The following NEK1 variants were observed in gnomAD, a reference collection of about 807,000 sequenced individuals.
NEK1 encodes the protein serine/threonine-protein kinase Nek1.
In NEK1, 137 loss-of-function variants were observed where a neutral mutation model predicts 182.1. The ratio of observed to expected loss-of-function variants is 0.75; its 90% CI spans 0.65 to 0.87. The LOEUF (loss-of-function observed/expected upper bound fraction) is 0.87. Ranked by LOEUF, NEK1 falls within the 40% of genes least tolerant of loss-of-function variation. NEK1 has a pLI of 0.00. For missense variants in NEK1, 1,391 were observed against 1,494.4 expected (o/e 0.93, Z 1.14); for synonymous variants, 513 against 492.2 (o/e 1.04, Z -0.56).
intron 18 of NEK1, among the ~76,000 whole-genome samples, chr4:169,542,367 G>A (rs1759595628): frequency 1.3e-5 from 2 of 152,178 alleles, no homozygotes; most frequent in South Asian, 4.1e-4. Context: ...ATTCCATGGT[G>A]TATATGTGCC....
intron 18 of NEK1, among the ~76,000 whole-genome samples, chr4:169,548,346 C>T (rs937145838): frequency 3.9e-5 from 6 of 152,186 alleles, no homozygotes; most frequent in Admixed American, 2.0e-4. Flanking sequence ...AAGCTTCGTC[C>T]CAAAGGGGCA....
chr4:169,580,237 C>T (rs1766387951), intron 11 of NEK1, among the ~76,000 whole-genome samples: 1 of 152,108 alleles, frequency 6.6e-6, no homozygotes, highest in Non-Finnish European at 1.5e-5. Context: ...TGGCTCACGC[C>T]TGTAATCTCA....
chr4:169,521,495 C>A (rs371309614), intron 19 of NEK1, among the ~76,000 whole-genome samples: 12 of 152,128 alleles, frequency 7.9e-5, no homozygotes, highest in African/African-American at 2.9e-4. Flanking sequence ...AGCTGTAGAC[C>A]GGAGCTGTTC....
intron 27 of NEK1, among the ~76,000 whole-genome samples, chr4:169,439,141 C>A (rs1299488505): frequency 2.0e-5 from 3 of 152,162 alleles, no homozygotes; most frequent in Admixed American, 6.5e-5. Context: ...TTATTGTATT[C>A]AAGTGGCAAA....
chr4:169,603,670 CA>C (rs1168579932), intron 2 of NEK1, among the ~76,000 whole-genome samples: 1 of 150,358 alleles, frequency 6.7e-6, no homozygotes, highest in Non-Finnish European at 1.5e-5. Flanking sequence ...TTTTGCTTAC[CA>C]GTGAATTTGA....
At chr4:169,583,698 T>C (rs756723429) in intron 10 of NEK1, among the ~76,000 whole-genome samples, 1 of 152,172 alleles carries the variant, frequency 6.6e-6, no homozygotes, top group African/African-American at 2.4e-5. Flanking sequence ...TATTCTCTAG[T>C]GGCTGCCAAA....
intron 6 of NEK1, among the ~76,000 whole-genome samples, chr4:169,590,295 C>T (rs1768229510): frequency 1.3e-5 from 2 of 150,644 alleles, no homozygotes; most frequent in African/African-American, 5.0e-5. Flanking sequence ...GGCAAAAGAG[C>T]GAGACTCCGT....
At chr4:169,414,747 T>A (rs1368848701) in intron 31 of NEK1, among the ~76,000 whole-genome samples, 1 of 152,200 alleles carries the variant, frequency 6.6e-6, no homozygotes, top group African/African-American at 2.4e-5. Context: ...GGTGTAAGAA[T>A]CTGTATTTTA....
chr4:169,611,190 T>C (rs1336685306), intron 2 of NEK1, among the ~76,000 whole-genome samples: 1 of 152,202 alleles, frequency 6.6e-6, no homozygotes, highest in Non-Finnish European at 1.5e-5. Flanking sequence ...GTCAATGTAC[T>C]ATTCACACGA....
chr4:169,397,940 G>T (rs1365784677), intron 35 of NEK1, among the ~76,000 whole-genome samples: 1 of 152,188 alleles, frequency 6.6e-6, no homozygotes, highest in African/African-American at 2.4e-5. Context: ...TACTTAAGGA[G>T]AACCGCCTGG....
At chr4:169,488,038 A>C (rs1306676931) in intron 23 of NEK1, among the ~76,000 whole-genome samples, 4 of 151,382 alleles carry the variant, frequency 2.6e-5, no homozygotes, top group Non-Finnish European at 5.9e-5. Context: ...TTTTCTTGTA[A>C]ATTTGTTTAA....
intron 30 of NEK1, among the ~76,000 whole-genome samples, chr4:169,425,126 G>A (rs1230274815): frequency 6.7e-6 from 1 of 148,932 alleles, no homozygotes; most frequent in East Asian, 1.9e-4. Context: ...CTTGAGGCCA[G>A]GAGTTTGAAA....
chr4:169,567,257 T>G (rs1763851956), intron 12 of NEK1, among the ~76,000 whole-genome samples: 1 of 152,176 alleles, frequency 6.6e-6, no homozygotes, highest in African/African-American at 2.4e-5. Flanking sequence ...TCCTACTTAC[T>G]TTTTCTTTTC....
chr4:169,551,848 C>CA (rs1049199554), intron 18 of NEK1, among the ~76,000 whole-genome samples: 4 of 150,694 alleles, frequency 2.7e-5, no homozygotes, highest in Non-Finnish European at 4.4e-5. Flanking sequence ...TTTTACTGAG[C>CA]AAAAAGGAGA....
At chr4:169,425,311 C>A (rs1315665176) in intron 30 of NEK1, among the ~76,000 whole-genome samples, 1 of 152,076 alleles carries the variant, frequency 6.6e-6, no homozygotes, top group Non-Finnish European at 1.5e-5. Context: ...ATAGTCCCAG[C>A]TACTCTGGAG....
chr4:169,561,978 G>T, intron 13 of NEK1, 87 bp from the exon 14 acceptor site: 1 of 1,194,658 alleles, frequency 8.4e-7, no homozygotes, highest in Non-Finnish European at 1.2e-6. Context: ...AATGGCAGAG[G>T]TATGTTCAAT....
chr4:169,446,516 T>G (rs1030580954), intron 27 of NEK1, among the ~76,000 whole-genome samples: 1 of 151,970 alleles, frequency 6.6e-6, no homozygotes, highest in South Asian at 2.1e-4. Flanking sequence ...TGAACACCCA[T>G]AACATCAAGA....
At chr4:169,421,466 G>C (rs1362117184) in intron 31 of NEK1, among the ~76,000 whole-genome samples, 1 of 152,152 alleles carries the variant, frequency 6.6e-6, no homozygotes, top group African/African-American at 2.4e-5. Context: ...TAATCCCCAA[G>C]AGTCAGTGAA....
chr4:169,473,246 G>GAAAAAAAAAAAAAA (rs111395147), intron 26 of NEK1, among the ~76,000 whole-genome samples: 1 of 129,300 alleles, frequency 7.7e-6, no homozygotes, highest in Non-Finnish European at 1.7e-5. Context: ...AGCCTGTCTT[G>GAAAAAAAAAAAAAA]AAAAAAAAAA....
Sources: allele counts gnomAD v4.1 joint callset (sites outside exome capture counted in the v4.1 genomes callset), GRCh38; gene constraint gnomAD v4.1.1; transcripts MANE v1.5; gene names NCBI Gene and HGNC (gene_info 2026-07-23, HGNC 2026-07-21).